Variants in PLXNA4 observed in about 807,000 individuals in gnomAD.
PLXNA4 encodes the protein plexin-A4.
PLXNA4 carries 44 observed loss-of-function variants against 191.8 expected under a neutral mutation model. The observed-to-expected ratio is 0.23, with a 90% CI of 0.18 to 0.29. The LOEUF (loss-of-function observed/expected upper bound fraction) is 0.29, where lower values mean the gene tolerates loss of function less well. Ranked by LOEUF, PLXNA4 falls within the 10% of genes least tolerant of loss-of-function variation. The pLI, the probability that PLXNA4 is intolerant of heterozygous loss-of-function variation, is 1.00. For synonymous variants in PLXNA4, 1,082 were observed against 1,009.5 expected, an observed-to-expected ratio of 1.07 and a Z score of -1.36; for missense variants, 1,800 against 2,488.8, an observed-to-expected ratio of 0.72 and a Z score of 5.89.
At chr7:132,253,704 C>T (rs1368675099) in intron 4 of PLXNA4, among the ~76,000 whole-genome samples, 1 of 152,102 alleles carries the variant, frequency 6.6e-6, no homozygotes, top group Non-Finnish European at 1.5e-5. Flanking sequence ...ATTAACTATC[C>T]CATATTGGGT....
chr7:132,279,827 C>A (rs182241565), intron 4 of PLXNA4, among the ~76,000 whole-genome samples: 1 of 152,080 alleles, frequency 6.6e-6, no homozygotes, highest in African/African-American at 2.4e-5. Flanking sequence ...AACTAGTGGA[C>A]GGAGAGATGA....
At chr7:132,245,845 T>A (rs2117056108) in intron 4 of PLXNA4, among the ~76,000 whole-genome samples, 1 of 152,266 alleles carries the variant, frequency 6.6e-6, no homozygotes, top group South Asian at 2.1e-4. Context: ...AAAGGACAAA[T>A]ACTGCATGAT....
chr7:132,200,337 A>G (rs990273788), intron 12 of PLXNA4, among the ~76,000 whole-genome samples: 2 of 152,040 alleles, frequency 1.3e-5, no homozygotes, highest in African/African-American at 4.8e-5. Flanking sequence ...CTCTGGGAGG[A>G]GCCGTTCCAC....
chr7:132,138,676 T>C (rs1230528050), intron 30 of PLXNA4, among the ~76,000 whole-genome samples: 1 of 152,006 alleles, frequency 6.6e-6, no homozygotes, highest in Non-Finnish European at 1.5e-5. Flanking sequence ...AAGACACGAG[T>C]GGGATAGGAA....
intron 13 of PLXNA4, 32 bp downstream of exon 13, chr7:132,198,453 G>A: frequency 1.9e-6 from 3 of 1,607,820 alleles, no homozygotes; most frequent in Non-Finnish European, 2.6e-6. Context: ...TCCCTCCCCT[G>A]TTCCTCCTGT....
chr7:132,193,779 A>G (rs1377791741), intron 14 of PLXNA4, among the ~76,000 whole-genome samples: 7 of 152,198 alleles, frequency 4.6e-5, no homozygotes, highest in Non-Finnish European at 1.0e-4. Flanking sequence ...CTACCATGCC[A>G]CACTGCCATG....
intron 2 of PLXNA4, among the ~76,000 whole-genome samples, chr7:132,583,004 T>G (rs1214490603): frequency 3.9e-5 from 6 of 152,056 alleles, no homozygotes; most frequent in Non-Finnish European, 7.4e-5. Context: ...TACACAGAAA[T>G]GAGAAAACCC....
chr7:132,416,777 G>A (rs1794675875), intron 3 of PLXNA4, among the ~76,000 whole-genome samples: 1 of 152,176 alleles, frequency 6.6e-6, no homozygotes, highest in Non-Finnish European at 1.5e-5. Context: ...TTCAGTCTCA[G>A]TAAATACTTC....
chr7:132,563,025 T>C (rs1434025858), intron 1 of PLXNA4, among the ~76,000 whole-genome samples: 32 of 41,090 alleles, frequency 7.8e-4, no homozygotes, highest in Admixed American at 1.0e-3. Flanking sequence ...TCTCTTCCTC[T>C]TTCTCCTCCT....
chr7:132,305,319 A>G (rs748981785), intron 3 of PLXNA4, among the ~76,000 whole-genome samples: 2 of 150,822 alleles, frequency 1.3e-5, no homozygotes, highest in Middle Eastern at 3.4e-3. Context: ...TACAGTGTTC[A>G]GTGTGCACTG....
At position 132,489,272 on chromosome 7, in the gene PLXNA4, G is replaced by GT. The variant is rs779149611; in HGVS notation, c.1371+19dup. On this transcript the variant is annotated intron_variant, in intron 3 of 31. Coordinates refer to ENST00000321063, the MANE Select transcript of PLXNA4 (RefSeq NM_020911.2). ...CAGACTGTCTTCACAGTAACCAAAA[G>GT]TACTGCACCTCATTCCTACCTTCTT... 2 of 1,571,682 alleles carry GT rather than the reference G, an allele frequency of 1.3e-6. No individual in the cohort carries two copies. The highest frequency in any genetic ancestry group is 1.3e-5 in the African/African-American group (1 of 74,436).
chr7:132,607,732 A>G (rs1343405661), intron 2 of PLXNA4, among the ~76,000 whole-genome samples: 3 of 152,212 alleles, frequency 2.0e-5, no homozygotes, highest in Admixed American at 2.0e-4. Context: ...CAGAAGCATT[A>G]TGTTCTGGAA....
chr7:132,203,336 T>G lies in PLXNA4; in HGVS notation c.2382A>C (p.Pro794=), dbSNP rs755919402. The part of the protein sequence containing the change: ...VWNGHFNIDN[P]AQNKVHLYKC... The stretch of plus-strand genomic sequence containing the variant: ...GCCCTTCCACACCTTTATTCTGAGC[T>G]GGGTTGTCAATGTTGAAGTGCCCAT... The change falls in exon 11 of 32, where the codon CCA becomes CCC. Residue 794 remains proline (P), a synonymous_variant. Transcript: ENST00000321063. The G allele has an allele frequency of 8.7e-6, 14 of 1,613,652 alleles. No homozygotes were observed. In the African/African-American group the frequency reaches 1.9e-4, roughly 22 times the overall value.
In PLXNA4 at chr7:132,268,991, C is replaced by T. The variant is rs1201204794; in HGVS notation, c.1504-27825G>A. Among the ~76,000 whole-genome samples, 5 of 152,274 alleles carry T rather than the reference C, an allele frequency of 3.3e-5. No individual in the cohort carries two copies. The East Asian group carries it at 7.7e-4, about 24-fold the overall frequency. On this transcript the variant is annotated intron_variant, in intron 4 of 31. Transcript: ENST00000321063. Reference sequence around the variant, plus strand: ...CTTGGAATACCTCCAAAAGTGGGGGCTATGTAAAAACAAAGTATTATTATT... The same window carrying T: ...CTTGGAATACCTCCAAAAGTGGGGGTTATGTAAAAACAAAGTATTATTATT...
At chr7:132,399,605 G>A (rs1793905701) in intron 3 of PLXNA4, among the ~76,000 whole-genome samples, 1 of 152,174 alleles carries the variant, frequency 6.6e-6, no homozygotes, top group Non-Finnish European at 1.5e-5. Flanking sequence ...GCAGAAGCAG[G>A]CACACCTGGG....
At chr7:132,225,194 T>C (rs535992080) in intron 8 of PLXNA4, among the ~76,000 whole-genome samples, 2 of 152,314 alleles carry the variant, frequency 1.3e-5, no homozygotes, top group African/African-American at 4.8e-5. Flanking sequence ...AACCCCATTA[T>C]TTGATAAAGA....
At chr7:132,182,402 G>A (rs977033593) in intron 16 of PLXNA4, among the ~76,000 whole-genome samples, 2 of 152,098 alleles carry the variant, frequency 1.3e-5, no homozygotes, top group African/African-American at 4.8e-5. Context: ...GATGTCCGTG[G>A]CCATCCTTTG....
intron 4 of PLXNA4, among the ~76,000 whole-genome samples, chr7:132,250,684 T>C (rs1442102212): frequency 6.6e-6 from 1 of 152,130 alleles, no homozygotes; most frequent in African/African-American, 2.4e-5. Context: ...CCCTCCAACA[T>C]GGAGGCCCAA....
intron 1 of PLXNA4, among the ~76,000 whole-genome samples, chr7:132,559,020 T>C (rs1800917212): frequency 6.6e-6 from 1 of 152,130 alleles, no homozygotes. Flanking sequence ...TGGCGTCAAC[T>C]GCTCTATTCC....
Sources: gnomAD v4.1 joint callset for allele counts (sites outside exome capture counted in the v4.1 genomes callset) on GRCh38, gnomAD v4.1.1 for gene constraint, MANE v1.5 for transcripts, NCBI Gene and HGNC (gene_info 2026-07-23, HGNC 2026-07-21) for gene names.